Variants in SLC12A7 observed in about 807,000 individuals in gnomAD.
The protein encoded by SLC12A7 is K-Cl cotransporter 4.
SLC12A7 carries 100 observed loss-of-function variants against 120.6 expected under a neutral mutation model. The ratio of observed to expected loss-of-function variants is 0.83; its 90% confidence interval spans 0.71 to 0.98. The LOEUF (loss-of-function observed/expected upper bound fraction) is 0.98, where lower values mean the gene tolerates loss of function less well. SLC12A7 is among the 50% of genes least tolerant of loss of function. SLC12A7 has a pLI of 0.00. For missense variants in SLC12A7, 1,373 were observed against 1,548.1 expected, an observed-to-expected ratio of 0.89 and a Z score of 1.90; for synonymous variants, 760 against 678.0, an observed-to-expected ratio of 1.12 and a Z score of -1.88.
the SLC12A7 span, among the ~76,000 whole-genome samples, chr5:1,140,922 G>T: frequency 1.3e-5 from 2 of 152,116 alleles, no homozygotes; most frequent in Non-Finnish European, 2.9e-5. Flanking sequence ...CAGAGCCGTT[G>T]GGGGCTGCAG....
At chr5:1,068,908 C>T (rs1737342195) in intron 17 of SLC12A7, among the ~76,000 whole-genome samples, 1 of 152,254 alleles carries the variant, frequency 6.6e-6, no homozygotes, top group Non-Finnish European at 1.5e-5. Flanking sequence ...TCCAGGGAGG[C>T]CAGGCAGTGC....
At chr5:1,082,043 CGGGTT>C (rs1739194400) in intron 8 of SLC12A7, among the ~76,000 whole-genome samples, 1 of 123,468 alleles carries the variant, frequency 8.1e-6, no homozygotes, top group African/African-American at 2.8e-5. Flanking sequence ...CTTCCCGTCT[CGGGTT>C]CTGGAAAGCC....
At chr5:1,149,422 T>C in the SLC12A7 span, among the ~76,000 whole-genome samples, 9 of 150,530 alleles carry the variant, frequency 6.0e-5, no homozygotes, top group African/African-American at 1.7e-4. Flanking sequence ...ACTAAAAATA[T>C]AAAAATTAGC....
At chr5:1,076,085 C>A (rs1430309869) in intron 14 of SLC12A7, 53 bp downstream of exon 14, 10 of 1,470,818 alleles carry the variant, frequency 6.8e-6, no homozygotes, top group Non-Finnish European at 9.3e-6. Context: ...GTGGCAGAGG[C>A]ACCCAGTGTC....
At chr5:1,099,545 G>A (rs1002301707) in intron 1 of SLC12A7, among the ~76,000 whole-genome samples, 10 of 152,112 alleles carry the variant, frequency 6.6e-5, no homozygotes, top group African/African-American at 9.7e-5. Flanking sequence ...TCCCAGTTCC[G>A]GCCAGGACAC....
chr5:1,086,813 C>T, intron 6 of SLC12A7, 90 bp downstream of exon 6: 7 of 1,525,058 alleles, frequency 4.6e-6, no homozygotes, highest in Non-Finnish European at 5.4e-6. Context: ...GCTCAGTGTG[C>T]TGTGTGTGCC....
the SLC12A7 span, among the ~76,000 whole-genome samples, chr5:1,122,595 C>T: frequency 6.6e-6 from 1 of 152,252 alleles, no homozygotes; most frequent in African/African-American, 2.4e-5. Context: ...CCAGAGTCCT[C>T]CCAAACTGAA....
chr5:1,113,979 G>C (rs1397626357), upstream of SLC12A7, among the ~76,000 whole-genome samples: 1 of 152,246 alleles, frequency 6.6e-6, no homozygotes, highest in African/African-American at 2.4e-5. Context: ...GCACATCCAA[G>C]CTCTGCTTCA....
chr5:1,077,944 G>A lies in SLC12A7; in HGVS notation c.1518C>T (p.Val506=), dbSNP rs1264431986. 8 of 1,600,728 alleles carry A rather than the reference G, an allele frequency of 5.0e-6. No individual in the cohort carries two copies. In the Admixed American group the frequency reaches 8.5e-5, roughly 17 times the overall value. The stretch of plus-strand genomic sequence containing the variant: ...TGGAGAAGAAGGAGCCGATGACGAT[G>A]ACCCAGGGGGAGGGCCAGGCCAGCA... ...IGMLAWPSPW[V]IVIGSFFSTC... The change falls in exon 12 of 24, where the codon GTC becomes GTT. Residue 506 remains valine, a synonymous_variant. Transcript: ENST00000264930.
intron 1 of SLC12A7, among the ~76,000 whole-genome samples, chr5:1,099,807 AC>A (rs1282753763): frequency 6.6e-6 from 1 of 152,112 alleles, no homozygotes; most frequent in African/African-American, 2.4e-5. Context: ...GTGCAGCAAA[AC>A]TCGGGACACC....
At chr5:1,117,604 A>G in the SLC12A7 span, among the ~76,000 whole-genome samples, 1 of 152,188 alleles carries the variant, frequency 6.6e-6, no homozygotes, top group Non-Finnish European at 1.5e-5. This position sits in a 1 kb window ranked among gnomAD's most constrained non-coding sequence, Gnocchi z 4.5. Context: ...TTGTTGCGCT[A>G]GATGGATCAG....
At chr5:1,069,667 G>A (rs1737439149) in intron 17 of SLC12A7, among the ~76,000 whole-genome samples, 1 of 152,206 alleles carries the variant, frequency 6.6e-6, no homozygotes, top group Non-Finnish European at 1.5e-5. Flanking sequence ...AAATCACGCA[G>A]GTGGGCACTC....
At chr5:1,130,624 G>GCGGCTGCCCGC in the SLC12A7 span, among the ~76,000 whole-genome samples, 4 of 99,924 alleles carry the variant, frequency 4.0e-5, no homozygotes, top group African/African-American at 4.1e-5. Flanking sequence ...CCAGGGTGGG[G>GCGGCTGCCCGC]GCAGCAGGGA....
At position 1,076,812 on chromosome 5, in the gene SLC12A7, C is replaced by A. The variant is rs780616811; in HGVS notation, c.1630G>T (p.Val544Leu). 6.2e-7 allele frequency: 1 copy of A among 1,603,232 alleles called. No individual in the cohort carries two copies. Among genetic ancestry groups the A allele is most frequent in the Non-Finnish European group, 8.5e-7 (1 of 1,174,746 alleles). Reference sequence around the variant, plus strand: ...CCGTTGGCCTTCCCGTGGCCAAACACCTGCAGGGAGAAGGGCAGGAAGATG... The same window carrying A: ...CCGTTGGCCTTCCCGTGGCCAAACAACTGCAGGGAGAAGGGCAGGAAGATG... ...ARDGIVPFLQVFGHGKANGEP... is the reference protein window; with the variant it reads ...ARDGIVPFLQLFGHGKANGEP... The change falls in exon 13 of 24, where the codon GTG becomes TTG. Residue 544 changes from valine to leucine, a missense_variant and splice_region_variant. Physicochemically the swap from Val to Leu is conservative, Grantham distance 32. Coordinates refer to ENST00000264930, the MANE Select transcript of SLC12A7 (RefSeq NM_006598.3).
In SLC12A7 at chr5:1,050,592, G is replaced by C; in HGVS notation, c.*1768C>G. Reference sequence around the variant, plus strand: ...GGTGGTTTCGTGTGCAGAACTGAGCGGCCCTCAGAAGCAGGGCTGTTTTCC... The same window carrying C: ...GGTGGTTTCGTGTGCAGAACTGAGCCGCCCTCAGAAGCAGGGCTGTTTTCC... On this transcript the variant is annotated 3_prime_UTR_variant, in exon 24 of 24. Transcript: ENST00000264930. 1 of 346,104 alleles carries C rather than the reference G, an allele frequency of 2.9e-6. No homozygotes were observed. The highest frequency in any genetic ancestry group is 4.8e-5 in the Admixed American group (1 of 20,898). The allele number at this position is 346,104 out of a possible 1,614,324, so 21.4% of individuals were successfully genotyped here. A position where few individuals can be genotyped will look rare whatever the true frequency, so the allele number is the denominator to read the frequency against.
the SLC12A7 span, among the ~76,000 whole-genome samples, chr5:1,136,559 C>T: frequency 2.9e-5 from 4 of 137,908 alleles, no homozygotes; most frequent in Admixed American, 7.2e-5. Context: ...GACACCAACA[C>T]CAGGACACGC....
intron 17 of SLC12A7, among the ~76,000 whole-genome samples, chr5:1,068,657 C>T (rs539645104): frequency 3.3e-5 from 5 of 152,346 alleles, no homozygotes; most frequent in East Asian, 1.9e-4. Context: ...GGGCAGGGTG[C>T]GCTCGTCCTC....
the SLC12A7 span, among the ~76,000 whole-genome samples, chr5:1,130,367 C>T: frequency 1.3e-5 from 2 of 152,166 alleles, no homozygotes; most frequent in Admixed American, 6.5e-5. Flanking sequence ...GGTGCACCTG[C>T]ATCTGCGTCT....
At chr5:1,078,550 A>T in intron 11 of SLC12A7, 151 bp downstream of exon 11, 1 of 686,874 alleles carries the variant, frequency 1.5e-6, no homozygotes, top group Non-Finnish European at 2.6e-6. Context: ...GACACATCAG[A>T]CCAAGGGATC....
Sources: gnomAD v4.1 joint callset for allele counts (sites outside exome capture counted in the v4.1 genomes callset) on GRCh38, gnomAD v4.1.1 for gene constraint, Gnocchi (gnomAD v3.1) non-coding constraint, MANE v1.5 for transcripts, NCBI Gene and HGNC (gene_info 2026-07-23, HGNC 2026-07-21) for gene names.